NCKAP5: variants seen among roughly 807,000 people sequenced by gnomAD.
NCKAP5 encodes the protein nck-associated protein 5.
In NCKAP5, 92 loss-of-function variants were observed where a neutral mutation model predicts 167.0. That is an observed-to-expected ratio of 0.55 (90% CI 0.47 to 0.66). The LOEUF is 0.66. Ranked by LOEUF, NCKAP5 falls within the 30% of genes least tolerant of loss-of-function variation. NCKAP5 has a pLI of 0.00. For missense variants in NCKAP5, 2,378 were observed against 2,315.0 expected, an observed-to-expected ratio of 1.03 and a Z score of -0.56; for synonymous variants, 891 against 877.4, an observed-to-expected ratio of 1.02 and a Z score of -0.27.
At chr2:132,949,381 A>G (rs1034630804) in intron 8 of NCKAP5, among the ~76,000 whole-genome samples, 1 of 152,078 alleles carries the variant, frequency 6.6e-6, no homozygotes, top group Admixed American at 6.5e-5. Context: ...ACCTCCAACC[A>G]GCTCTCTCTC....
chr2:133,479,905 G>A (rs1455188251), intron 3 of NCKAP5, among the ~76,000 whole-genome samples: 1 of 151,382 alleles, frequency 6.6e-6, no homozygotes, highest in Non-Finnish European at 1.5e-5. Context: ...ATTGGGTTAG[G>A]GTTATTTAGG....
At chr2:133,327,602 T>C (rs1441824572) in intron 3 of NCKAP5, among the ~76,000 whole-genome samples, 1 of 152,146 alleles carries the variant, frequency 6.6e-6, no homozygotes, top group African/African-American at 2.4e-5. Context: ...AAGAAAGGAA[T>C]AAAAATGATA....
chr2:133,053,467 T>C (rs563255484), intron 6 of NCKAP5, among the ~76,000 whole-genome samples: 17 of 152,206 alleles, frequency 1.1e-4, no homozygotes, highest in South Asian at 2.1e-4. Context: ...TCCAGACTCT[T>C]TATTTTACAA....
chr2:132,709,721 AC>A (rs1485406033), intron 19 of NCKAP5, among the ~76,000 whole-genome samples: 3 of 152,128 alleles, frequency 2.0e-5, no homozygotes, highest in African/African-American at 4.8e-5. Flanking sequence ...CTGCCTACAA[AC>A]AAAACATCAA....
chr2:132,831,578 T>A, intron 11 of NCKAP5, among the ~76,000 whole-genome samples: 1 of 152,162 alleles, frequency 6.6e-6, no homozygotes, highest in Admixed American at 6.5e-5. Context: ...ATTTTTCTTT[T>A]GGTTTGTTTG....
At chr2:133,141,158 A>T (rs183192760) in intron 5 of NCKAP5, among the ~76,000 whole-genome samples, 2 of 152,106 alleles carry the variant, frequency 1.3e-5, no homozygotes, top group African/African-American at 4.8e-5. Flanking sequence ...CCACAGATAC[A>T]TTTCTCTCTG....
In NCKAP5 at chr2:132,672,978, T is replaced by A; in HGVS notation, c.*311A>T. 2.8e-6 allele frequency: 1 copy of A among 359,328 alleles called. No homozygotes were observed. Among genetic ancestry groups the A allele is most frequent in the Non-Finnish European group, 3.5e-6 (1 of 286,870 alleles). The allele number at this position is 359,328 out of a possible 1,614,324, so 22.3% of individuals were successfully genotyped here. A position where few individuals can be genotyped will look rare whatever the true frequency, so the allele number is the denominator to read the frequency against. On this transcript the variant is annotated 3_prime_UTR_variant, in exon 20 of 20. Transcript: ENST00000409261. ...TGCACCCCCCACCCCCCACCCATCA[T>A]TTCTTAAGCGCTCCAGTCCCAGCTC...
intron 2 of NCKAP5, among the ~76,000 whole-genome samples, chr2:133,538,806 T>C (rs1685956363): frequency 1.3e-5 from 2 of 151,974 alleles, no homozygotes; most frequent in Non-Finnish European, 2.9e-5. Flanking sequence ...TTACATAGGA[T>C]GTTGATCTGC....
chr2:133,345,345 TAA>T (rs879466188), intron 3 of NCKAP5, among the ~76,000 whole-genome samples: 1 of 148,470 alleles, frequency 6.7e-6, no homozygotes, highest in African/African-American at 2.5e-5. Flanking sequence ...ACTTTTAAAT[TAA>T]AAAAAAAAGA....
intron 8 of NCKAP5, among the ~76,000 whole-genome samples, chr2:132,915,110 G>A (rs758742692): frequency 5.9e-5 from 9 of 151,946 alleles, no homozygotes; most frequent in Non-Finnish European, 1.3e-4. Context: ...AAGGGTGCTC[G>A]CTGTTGCACC....
the NCKAP5 span, among the ~76,000 whole-genome samples, chr2:133,649,843 G>C: frequency 9.2e-5 from 14 of 151,978 alleles, no homozygotes; most frequent in Non-Finnish European, 2.1e-4. Context: ...ATTTAACTTA[G>C]TACTAGCCAG....
intron 16 of NCKAP5, among the ~76,000 whole-genome samples, chr2:132,756,230 G>A (rs2104823848): frequency 6.6e-6 from 1 of 152,286 alleles, no homozygotes; most frequent in South Asian, 2.1e-4. Context: ...AGCTGGATAA[G>A]CTTTGCAAAT....
chr2:133,437,014 C>T (rs1196240203), intron 3 of NCKAP5, among the ~76,000 whole-genome samples: 1 of 151,986 alleles, frequency 6.6e-6, no homozygotes, highest in Non-Finnish European at 1.5e-5. Flanking sequence ...GATCTCAGTG[C>T]CTAACACTTC....
chr2:133,108,193 C>A (rs2081781038), intron 6 of NCKAP5, among the ~76,000 whole-genome samples: 1 of 152,154 alleles, frequency 6.6e-6, no homozygotes, highest in Admixed American at 6.5e-5. Flanking sequence ...CTGCCCTAAT[C>A]AGAGAAGCCT....
At chr2:132,963,895 T>C (rs2076588939) in intron 7 of NCKAP5, 26 bp from the exon 8 acceptor site, 1 of 1,611,760 alleles carries the variant, frequency 6.2e-7, no homozygotes, top group Non-Finnish European at 8.5e-7. Context: ...ATTACTGTTT[T>C]CAATAATCTC....
At position 133,000,982 on chromosome 2, in the gene NCKAP5, G is replaced by T. The variant is rs2077757238; in HGVS notation, c.342-6743C>A. ...AGCAATTGCCTTGGGTGGTGGCAGGGATTGACTGGTAAGGATATAAAGGAA... is the reference window on the plus strand; with the variant it reads ...AGCAATTGCCTTGGGTGGTGGCAGGTATTGACTGGTAAGGATATAAAGGAA... On this transcript the variant is annotated intron_variant, in intron 6 of 19. Coordinates refer to ENST00000409261, the MANE Select transcript of NCKAP5 (RefSeq NM_207363.3). Among the ~76,000 whole-genome samples the T allele has an allele frequency of 1.3e-5, 2 of 152,168 alleles. 1 individual carries two copies. The highest frequency in any genetic ancestry group is 4.1e-4 in the South Asian group (2 of 4,828).
At chr2:133,484,697 T>C (rs1680749477) in intron 3 of NCKAP5, among the ~76,000 whole-genome samples, 1 of 152,216 alleles carries the variant, frequency 6.6e-6, no homozygotes, top group Admixed American at 6.5e-5. Context: ...TTATTTAAAA[T>C]ACTATATAAA....
At chr2:133,480,026 G>A (rs765294042) in intron 3 of NCKAP5, among the ~76,000 whole-genome samples, 2 of 151,534 alleles carry the variant, frequency 1.3e-5, no homozygotes, top group Admixed American at 6.6e-5. Context: ...CCACCTCCTG[G>A]GTTTAAGCAA....
chr2:132,762,252 G>A (rs1418690111), intron 16 of NCKAP5, among the ~76,000 whole-genome samples: 1 of 152,200 alleles, frequency 6.6e-6, no homozygotes, highest in Admixed American at 6.5e-5. Context: ...GGAGTAGATA[G>A]TAATGTAATA....
Sources: gnomAD v4.1 joint callset for allele counts (sites outside exome capture counted in the v4.1 genomes callset) on GRCh38, gnomAD v4.1.1 for gene constraint, MANE v1.5 for transcripts, NCBI Gene and HGNC (gene_info 2026-07-23, HGNC 2026-07-21) for gene names.